LOC400499: variants seen among roughly 807,000 people sequenced by gnomAD.
the LOC400499 span, among the ~76,000 whole-genome samples, chr16:11,420,756 G>A: frequency 2.0e-5 from 3 of 152,084 alleles, no homozygotes; most frequent in African/African-American, 4.8e-5. Context: ...CGGCCCAGCC[G>A]TGACTGCATC....
chr16:11,383,871 C>G, the LOC400499 span: 2 of 1,232,122 alleles, frequency 1.6e-6, no homozygotes, highest in Non-Finnish European at 2.0e-6. Flanking sequence ...CCCCATGGGC[C>G]AGGCTCACAC....
the LOC400499 span, chr16:11,424,319 G>A: frequency 2.5e-5 from 10 of 399,612 alleles, no homozygotes; most frequent in Admixed American, 4.4e-5. Context: ...TGAGAGACAG[G>A]AGCATCCCTG....
At chr16:11,458,463 C>G in the LOC400499 span, among the ~76,000 whole-genome samples, 1 of 151,024 alleles carries the variant, frequency 6.6e-6, no homozygotes, top group African/African-American at 2.4e-5. Flanking sequence ...CAAGATTGCA[C>G]CATTGTACTC....
At chr16:11,462,548 G>C in the LOC400499 span, 1 of 506,510 alleles carries the variant, frequency 2.0e-6, no homozygotes, top group African/African-American at 2.1e-5. Context: ...TCCTGCCTCA[G>C]CCTCCCTGGG....
chr16:11,390,649 C>T, the LOC400499 span, among the ~76,000 whole-genome samples: 839 of 152,278 alleles, frequency 5.5e-3, 5 homozygotes, highest in Non-Finnish European at 8.1e-3. Flanking sequence ...AGGCCTGAGC[C>T]GTCTCTGCAA....
At chr16:11,506,592 C>A in the LOC400499 span, among the ~76,000 whole-genome samples, 2 of 152,258 alleles carry the variant, frequency 1.3e-5, no homozygotes, top group South Asian at 2.1e-4. Context: ...GTCTGTCTGT[C>A]CCCTCCCAAC....
the LOC400499 span, chr16:11,385,243 G>GGTTAA: frequency 3.6e-5 from 44 of 1,232,166 alleles, no homozygotes; most frequent in South Asian, 8.2e-5. Context: ...AGGGTCTTGT[G>GGTTAA]GTTAAGTTCC....
chr16:11,524,288 C>T, the LOC400499 span, among the ~76,000 whole-genome samples: 37 of 144,296 alleles, frequency 2.6e-4, no homozygotes, highest in Non-Finnish European at 5.0e-4. Context: ...CATCCATCCA[C>T]CCACCCACTC....
chr16:11,440,241 G>A, the LOC400499 span, among the ~76,000 whole-genome samples: 1 of 152,126 alleles, frequency 6.6e-6, no homozygotes. Flanking sequence ...TACAATGGCT[G>A]CTATATATTC....
At chr16:11,507,329 C>T in the LOC400499 span, among the ~76,000 whole-genome samples, 1 of 151,996 alleles carries the variant, frequency 6.6e-6, no homozygotes, top group Non-Finnish European at 1.5e-5. Flanking sequence ...GCCAGAGATG[C>T]TGCTAAACAT....
chr16:11,433,156 T>C, the LOC400499 span, among the ~76,000 whole-genome samples: 2 of 152,232 alleles, frequency 1.3e-5, no homozygotes, highest in African/African-American at 4.8e-5. Context: ...AGAGACCATA[T>C]GGCCCACAAA....
the LOC400499 span, among the ~76,000 whole-genome samples, chr16:11,464,616 C>A: frequency 5.3e-5 from 8 of 152,302 alleles, no homozygotes; most frequent in South Asian, 1.7e-3. Context: ...TTCATGAGCT[C>A]ATCTGCCTCA....
the LOC400499 span, among the ~76,000 whole-genome samples, chr16:11,464,080 A>G: frequency 6.6e-6 from 1 of 152,220 alleles, no homozygotes; most frequent in African/African-American, 2.4e-5. Flanking sequence ...ATATGTGTGT[A>G]TATACGAATG....
At chr16:11,471,593 G>A in the LOC400499 span, 3 of 398,972 alleles carry the variant, frequency 7.5e-6, no homozygotes, top group Non-Finnish European at 8.8e-6. Flanking sequence ...GTGAGCCCAG[G>A]GCTGACCTAA....
the LOC400499 span, chr16:11,514,241 T>C: frequency 1.0e-5 from 4 of 398,026 alleles, no homozygotes; most frequent in Non-Finnish European, 1.3e-5. Flanking sequence ...TTTTCAGCAA[T>C]AGGTCAGAGG....
chr16:11,517,421 G>A, the LOC400499 span, among the ~76,000 whole-genome samples: 2 of 152,166 alleles, frequency 1.3e-5, no homozygotes, highest in East Asian at 3.9e-4. Flanking sequence ...GGAAGGTAGA[G>A]GGAGTCTTTC....
chr16:11,451,730 T>A, the LOC400499 span, among the ~76,000 whole-genome samples: 1 of 150,394 alleles, frequency 6.6e-6, no homozygotes, highest in Non-Finnish European at 1.5e-5. Flanking sequence ...CAAGGGGGAG[T>A]TGATCAAAGG....
the LOC400499 span, chr16:11,502,213 A>G: frequency 5.0e-6 from 2 of 398,848 alleles, no homozygotes; most frequent in Admixed American, 8.8e-5. Flanking sequence ...TGAGACACCC[A>G]GCAGTGCGGG....
chr16:11,419,406 G>A, the LOC400499 span, among the ~76,000 whole-genome samples: 1 of 151,910 alleles, frequency 6.6e-6, no homozygotes, highest in Admixed American at 6.6e-5. Context: ...TATGTAGAAA[G>A]CTGAAACTGG....
Sources: allele counts gnomAD v4.1 joint callset (sites outside exome capture counted in the v4.1 genomes callset), GRCh38; gene constraint gnomAD v4.1.1; transcripts MANE v1.5.